GRIP1: variants seen among roughly 807,000 people sequenced by gnomAD.
GRIP1 encodes glutamate receptor interacting protein 1.
A neutral mutation model predicts 129.9 loss-of-function variants in GRIP1; 45 were observed. That is an observed-to-expected ratio of 0.35 (90% confidence interval 0.27 to 0.44). The LOEUF (loss-of-function observed/expected upper bound fraction) is 0.44. Ranked by LOEUF, GRIP1 falls within the 20% of genes least tolerant of loss-of-function variation. The pLI is 1.00. For synonymous variants in GRIP1, 530 were observed against 520.8 expected (o/e 1.02, Z -0.24); for missense variants, 1,196 against 1,396.8 (o/e 0.86, Z 2.29).
At chr12:67,029,850 C>A (rs995068503) in intron 1 of GRIP1, among the ~76,000 whole-genome samples, 1 of 151,576 alleles carries the variant, frequency 6.6e-6, no homozygotes, top group African/African-American at 2.4e-5. Context: ...CATTCAAGTT[C>A]TTCAAATAGG....
rs574567124 is a variant in GRIP1 at position 66,850,427 on chromosome 12, T to A, written c.58+218623A>T. On this transcript the variant is annotated intron_variant, in intron 1 of 1. Transcript: ENST00000643019. ...CTGTATTGTAAGACTTAGTAAACCA[T>A]CAACTTACTGTATTTTCAGGTTGCA... Among the ~76,000 whole-genome samples, 3 of 152,238 alleles carry A rather than the reference T, an allele frequency of 2.0e-5. No individual in the cohort carries two copies. The South Asian group carries it at 6.2e-4, about 32-fold the overall frequency.
intron 22 of GRIP1, chr12:66,372,253 T>TC: frequency 2.4e-6 from 1 of 420,410 alleles, no homozygotes. Context: ...GCATTCACTT[T>TC]CCACTCAGTG....
intron 1 of GRIP1, among the ~76,000 whole-genome samples, chr12:66,740,296 A>C (rs1217679165): frequency 1.3e-5 from 2 of 152,202 alleles, no homozygotes; most frequent in African/African-American, 4.8e-5. Context: ...TGCCTTCCTC[A>C]GCTGGATCTG....
intron 1 of GRIP1, among the ~76,000 whole-genome samples, chr12:66,986,282 G>C (rs1048071370): frequency 1.3e-5 from 2 of 152,030 alleles, no homozygotes; most frequent in African/African-American, 4.8e-5. Context: ...ATTCCTCAGG[G>C]ATCTAGAACT....
intron 1 of GRIP1, among the ~76,000 whole-genome samples, chr12:66,782,186 T>G (rs549445736): frequency 1.4e-4 from 21 of 152,164 alleles, no homozygotes; most frequent in Non-Finnish European, 2.5e-4. Flanking sequence ...CTGTGCACTT[T>G]TTATATAAAT....
chr12:66,826,875 C>G (rs542424989), intron 1 of GRIP1, among the ~76,000 whole-genome samples: 1 of 152,064 alleles, frequency 6.6e-6, no homozygotes, highest in South Asian at 2.1e-4. Flanking sequence ...TAGGTATATT[C>G]TGTATGTATG....
Position 66,445,406 on chromosome 12 carries a change from T to A in GRIP1, c.1457A>T (p.Gln486Leu). 1 of 1,614,190 alleles carries A rather than the reference T, an allele frequency of 6.2e-7. No individual in the cohort carries two copies. The highest frequency in any genetic ancestry group is 8.5e-7 in the Non-Finnish European group (1 of 1,179,996). Reference protein sequence around the residue: ...TADPVTGFGIQLQGSVFATET... With the variant: ...TADPVTGFGILLQGSVFATET... Reference sequence around the variant, plus strand: ...TGTGGCAAACACACTGCCCTGCAGTTGGATCCCAAATCCTGTGACAGGATC... The same window carrying A: ...TGTGGCAAACACACTGCCCTGCAGTAGGATCCCAAATCCTGTGACAGGATC... The change falls in exon 12 of 25, where the codon CAA becomes CTA. Residue 486 changes from glutamine to leucine, a missense_variant. Transcript: ENST00000359742.
intron 1 of GRIP1, among the ~76,000 whole-genome samples, chr12:66,823,013 A>T (rs937802523): frequency 6.6e-6 from 1 of 152,208 alleles, no homozygotes; most frequent in Non-Finnish European, 1.5e-5. Flanking sequence ...ATTAACTAAA[A>T]TAAAGCCAAA....
intron 19 of GRIP1, among the ~76,000 whole-genome samples, chr12:66,389,597 G>C (rs2056499463): frequency 6.6e-6 from 1 of 151,770 alleles, no homozygotes; most frequent in South Asian, 2.1e-4. Flanking sequence ...GAATATCACG[G>C]GTAAAGAAAA....
chr12:66,775,050 T>C (rs1164637098), intron 1 of GRIP1, among the ~76,000 whole-genome samples: 1 of 152,146 alleles, frequency 6.6e-6, no homozygotes, highest in Admixed American at 6.5e-5. Flanking sequence ...AATTAACATA[T>C]TGATTTCCCA....
chr12:66,947,039 C>T (rs2041682651), intron 1 of GRIP1, among the ~76,000 whole-genome samples: 1 of 150,006 alleles, frequency 6.7e-6, no homozygotes, highest in East Asian at 2.0e-4. Flanking sequence ...AGCAAAACTC[C>T]ATCTCAAAAA....
chr12:66,454,447 G>C (rs2058895021), intron 11 of GRIP1, among the ~76,000 whole-genome samples: 2 of 152,162 alleles, frequency 1.3e-5, no homozygotes, highest in African/African-American at 4.8e-5. Context: ...ACAAGAAACA[G>C]ACTCTCTAGA....
chr12:66,703,075 A>G (rs1438199325), intron 1 of GRIP1, among the ~76,000 whole-genome samples: 3 of 152,132 alleles, frequency 2.0e-5, no homozygotes, highest in Non-Finnish European at 2.9e-5. Context: ...CATTGCTTGA[A>G]GCACAGAGAG....
chr12:66,465,447 A>G, intron 7 of GRIP1, 25 bp from the exon 8 acceptor site: 8 of 1,598,296 alleles, frequency 5.0e-6, no homozygotes, highest in Non-Finnish European at 6.9e-6. Flanking sequence ...ATTTTAGAAA[A>G]CAAAACAAAT....
chr12:66,520,436 T>C (rs1000269103), intron 5 of GRIP1, among the ~76,000 whole-genome samples: 1 of 152,210 alleles, frequency 6.6e-6, no homozygotes, highest in Non-Finnish European at 1.5e-5. Context: ...TTAAGGGAGT[T>C]ATTAAGGCCT....
intron 1 of GRIP1, among the ~76,000 whole-genome samples, chr12:67,026,394 C>T (rs1168844442): frequency 6.6e-6 from 1 of 152,146 alleles, no homozygotes; most frequent in Non-Finnish European, 1.5e-5. Context: ...CTTTTGACTT[C>T]CATAGTGTCC....
intron 1 of GRIP1, among the ~76,000 whole-genome samples, chr12:66,912,344 T>C (rs2041044198): frequency 6.6e-6 from 1 of 152,136 alleles, no homozygotes; most frequent in Admixed American, 6.6e-5. Flanking sequence ...AGTATTTCAC[T>C]TTCACTACAA....
chr12:66,849,271 A>C (rs146928357), intron 1 of GRIP1, among the ~76,000 whole-genome samples: 1 of 152,058 alleles, frequency 6.6e-6, no homozygotes, highest in Non-Finnish European at 1.5e-5. Context: ...TCCATCTCCT[A>C]CAAGGCTCAT....
At chr12:66,452,272 G>T (rs542819967) in intron 11 of GRIP1, among the ~76,000 whole-genome samples, 1 of 152,324 alleles carries the variant, frequency 6.6e-6, no homozygotes, top group South Asian at 2.1e-4. Flanking sequence ...GGCAGCCAGG[G>T]AAAGGGCAGT....
Sources: allele counts gnomAD v4.1 joint callset (sites outside exome capture counted in the v4.1 genomes callset), GRCh38; gene constraint gnomAD v4.1.1; transcripts MANE v1.5; gene names NCBI Gene and HGNC (gene_info 2026-07-23, HGNC 2026-07-21).